Variants in TFDP2 observed in about 807,000 individuals in gnomAD.
TFDP2 encodes transcription factor Dp-2.
In TFDP2, 17 loss-of-function variants were observed where a neutral mutation model predicts 59.3. That is an observed-to-expected ratio of 0.29 (90% CI 0.20 to 0.43). The LOEUF is 0.43. TFDP2 is among the 20% of genes least tolerant of loss of function. The pLI, the probability that TFDP2 is intolerant of heterozygous loss-of-function variation, is 1.00. For missense variants in TFDP2, 391 were observed against 528.8 expected (o/e 0.74, Z 2.56); for synonymous variants, 180 against 194.7 (o/e 0.92, Z 0.63).
In TFDP2 at chr3:141,952,475, T is replaced by G; in HGVS notation, c.*38A>C. 1.5e-4 allele frequency: 225 copies of G among 1,487,874 alleles called. No individual in the cohort carries two copies. The highest frequency in any genetic ancestry group is 1.8e-4 in the Non-Finnish European group (201 of 1,123,018). The allele number at this position is 1,487,874 out of a possible 1,614,324, so 92.2% of individuals were successfully genotyped here. ...CAAGAGCTCACACTACAAACACACATGAGCATCACATATTGAAACGTAGGC... is the reference window on the plus strand; with the variant it reads ...CAAGAGCTCACACTACAAACACACAGGAGCATCACATATTGAAACGTAGGC... On this transcript the variant is annotated 3_prime_UTR_variant, in exon 13 of 13. Coordinates refer to ENST00000489671, the MANE Select transcript of TFDP2 (RefSeq NM_001178139.2).
chr3:141,967,288 G>GTTTTT (rs200530270), intron 9 of TFDP2, among the ~76,000 whole-genome samples: 1 of 145,314 alleles, frequency 6.9e-6, no homozygotes, highest in Non-Finnish European at 1.5e-5. Flanking sequence ...GAGGAAATAA[G>GTTTTT]TTTTTTGTTT....
In TFDP2 at chr3:142,077,100, G is replaced by GC. The variant is rs141591362; in HGVS notation, c.82+15960dup. Among the ~76,000 whole-genome samples the GC allele has an allele frequency of 3.4e-3, 511 of 152,240 alleles. 2 individuals carry two copies. Among genetic ancestry groups the GC allele is most frequent in the African/African-American group, 0.012 (481 of 41,542 alleles). ...TGGAACTCAGTGCTGTCAACACTGGGCAGAACTCAGCTGATACCCACAGAG... is the reference window on the plus strand; with the variant it reads ...TGGAACTCAGTGCTGTCAACACTGGGCCAGAACTCAGCTGATACCCACAGAG... On this transcript the variant is annotated intron_variant, in intron 3 of 12. Coordinates refer to ENST00000489671, the MANE Select transcript of TFDP2 (RefSeq NM_001178139.2).
At chr3:142,057,349 C>T (rs940227721) in intron 3 of TFDP2, among the ~76,000 whole-genome samples, 1 of 152,116 alleles carries the variant, frequency 6.6e-6, no homozygotes, top group Non-Finnish European at 1.5e-5. Context: ...AATGAAAATA[C>T]AAGCAAAATA....
At chr3:142,135,331 C>A (rs1362838640) in intron 1 of TFDP2, among the ~76,000 whole-genome samples, 1 of 152,098 alleles carries the variant, frequency 6.6e-6, no homozygotes, top group Non-Finnish European at 1.5e-5. Flanking sequence ...CTTCTGTCAT[C>A]AAAACCTTAA....
At position 141,970,056 on chromosome 3, in the gene TFDP2, C is replaced by T. The variant is rs1939478640; in HGVS notation, c.732+17G>A. 1 of 1,612,204 alleles carries T rather than the reference C, an allele frequency of 6.2e-7. No individual in the cohort carries two copies. Among genetic ancestry groups the T allele is most frequent in the Non-Finnish European group, 8.5e-7 (1 of 1,178,192 alleles). ...GGAGAAACAGGGAAGGTAATGAAAA[C>T]ATCTCGGTATCTTTACCTGTAGGAG... On this transcript the variant is annotated intron_variant, in intron 9 of 12. Transcript: ENST00000489671.
At chr3:142,023,614 T>C (rs1384498284) in intron 3 of TFDP2, among the ~76,000 whole-genome samples, 1 of 152,098 alleles carries the variant, frequency 6.6e-6, no homozygotes, top group East Asian at 1.9e-4. Context: ...GATCGTTGTT[T>C]TATAATACCA....
At chr3:142,012,844 T>G (rs1259703638) in intron 3 of TFDP2, among the ~76,000 whole-genome samples, 1 of 152,074 alleles carries the variant, frequency 6.6e-6, no homozygotes, top group Non-Finnish European at 1.5e-5. Flanking sequence ...TTTATAATTT[T>G]AAAAGCTACT....
chr3:141,986,690 G>C (rs932365717), intron 6 of TFDP2, among the ~76,000 whole-genome samples: 1 of 152,090 alleles, frequency 6.6e-6, no homozygotes, highest in Non-Finnish European at 1.5e-5. Context: ...GATGAGTTAC[G>C]GGTATGTGTA....
At chr3:142,136,957 A>C (rs6797841) in intron 1 of TFDP2, among the ~76,000 whole-genome samples, 1 of 151,840 alleles carries the variant, frequency 6.6e-6, no homozygotes, top group Non-Finnish European at 1.5e-5. Context: ...GGATGGCATC[A>C]AATCTATAAA....
At chr3:142,015,420 TCTC>T (rs1472564563) in intron 3 of TFDP2, among the ~76,000 whole-genome samples, 1 of 152,014 alleles carries the variant, frequency 6.6e-6, no homozygotes, top group Non-Finnish European at 1.5e-5. Context: ...CATCCAGAAA[TCTC>T]CTTCTTCATC....
chr3:142,095,218 G>A (rs910846412), intron 2 of TFDP2, among the ~76,000 whole-genome samples: 4 of 152,146 alleles, frequency 2.6e-5, no homozygotes, highest in Non-Finnish European at 4.4e-5. Context: ...TCAAACTCCT[G>A]TCCTCAAGTG....
At chr3:141,958,003 A>G (rs80054842) in intron 11 of TFDP2, among the ~76,000 whole-genome samples, 11,346 of 152,268 alleles carry the variant, frequency 0.075, 528 homozygotes, top group Non-Finnish European at 0.11. Flanking sequence ...AAAAGCTACA[A>G]TGGTATCATT....
rs949101557 is a variant in TFDP2, at chr3:141,950,624, G to C, written c.*1889C>G. On this transcript the variant is annotated 3_prime_UTR_variant, in exon 13 of 13. Coordinates refer to ENST00000489671, the MANE Select transcript of TFDP2 (RefSeq NM_001178139.2). The stretch of plus-strand genomic sequence containing the variant: ...TATTTTGAAGACTACAAAGGTAGCA[G>C]TGGCTGTTGGCCTCTCCAGGTCCCT... 1 of 152,678 alleles carries C rather than the reference G, an allele frequency of 6.5e-6. No homozygotes were observed. The highest frequency in any genetic ancestry group is 1.5e-5 in the Non-Finnish European group (1 of 68,060). 9.5% of individuals were successfully genotyped at this position (152,678 alleles called of 1,614,324 possible).
intron 3 of TFDP2, among the ~76,000 whole-genome samples, chr3:142,053,796 C>A (rs1290908456): frequency 4.6e-5 from 7 of 152,006 alleles, no homozygotes; most frequent in Non-Finnish European, 1.0e-4. Context: ...AAGACAATAA[C>A]AAGACAAACA....
At chr3:141,959,582 TA>T in intron 11 of TFDP2, 91 bp downstream of exon 11, 1 of 1,449,586 alleles carries the variant, frequency 6.9e-7, no homozygotes, top group Non-Finnish European at 9.4e-7. Context: ...ACAGATGTTC[TA>T]AAATTTTGCA....
At chr3:142,000,064 A>G (rs1943634977) in intron 4 of TFDP2, among the ~76,000 whole-genome samples, 1 of 152,154 alleles carries the variant, frequency 6.6e-6, no homozygotes, top group African/African-American at 2.4e-5. Context: ...CTAAACAAAA[A>G]CTTTTTTAAA....
At chr3:141,964,032 T>C in intron 9 of TFDP2, 69 bp from the exon 10 acceptor site, 1 of 1,415,486 alleles carries the variant, frequency 7.1e-7, no homozygotes, top group Non-Finnish European at 9.7e-7. Flanking sequence ...AGAATTAAGA[T>C]AATACCTTTA....
At chr3:141,967,546 C>T (rs888882546) in intron 9 of TFDP2, among the ~76,000 whole-genome samples, 9 of 151,916 alleles carry the variant, frequency 5.9e-5, no homozygotes, top group South Asian at 2.1e-4. Context: ...TGCCCGTCTC[C>T]GCCTCCCAAA....
intron 3 of TFDP2, among the ~76,000 whole-genome samples, chr3:142,082,707 T>C (rs2060679209): frequency 6.6e-6 from 1 of 152,060 alleles, no homozygotes; most frequent in Admixed American, 6.6e-5. Flanking sequence ...AGATGCAAAA[T>C]GGCTCAATGA....
Sources: gnomAD v4.1 joint callset for allele counts (sites outside exome capture counted in the v4.1 genomes callset) on GRCh38, gnomAD v4.1.1 for gene constraint, MANE v1.5 for transcripts, NCBI Gene and HGNC (gene_info 2026-07-23, HGNC 2026-07-21) for gene names.